TENM3: variants seen among roughly 807,000 people sequenced by gnomAD.
TENM3 encodes teneurin-3.
In TENM3, 63 loss-of-function variants were observed where a neutral mutation model predicts 255.1. The observed-to-expected ratio is 0.25, with a 90% CI of 0.20 to 0.30. The LOEUF is 0.30. TENM3 is among the 10% of genes least tolerant of loss of function. TENM3 has a pLI of 1.00. For missense variants in TENM3, 2,929 were observed against 3,461.1 expected, an observed-to-expected ratio of 0.85 and a Z score of 3.86; for synonymous variants, 1,306 against 1,322.3, an observed-to-expected ratio of 0.99 and a Z score of 0.27.
chr4:181,477,911 C>A, the TENM3 span, among the ~76,000 whole-genome samples: 1 of 152,062 alleles, frequency 6.6e-6, no homozygotes, highest in East Asian at 1.9e-4. Context: ...TTTTAAATGG[C>A]CTTACCCTCC....
At chr4:182,578,117 C>T (rs759898916) in intron 3 of TENM3, among the ~76,000 whole-genome samples, 23 of 152,068 alleles carry the variant, frequency 1.5e-4, no homozygotes, top group Admixed American at 1.0e-3. Flanking sequence ...GCTGGGATTG[C>T]AGGCACCCAC....
At chr4:181,481,417 G>A in the TENM3 span, among the ~76,000 whole-genome samples, 1 of 152,004 alleles carries the variant, frequency 6.6e-6, no homozygotes. Context: ...CATATATGAG[G>A]GTATTTAAGT....
the TENM3 span, among the ~76,000 whole-genome samples, chr4:182,127,540 A>G: frequency 6.6e-6 from 1 of 152,242 alleles, no homozygotes; most frequent in Non-Finnish European, 1.5e-5. Context: ...ACTTGCCTGT[A>G]TATCACTGTT....
At chr4:181,889,215 G>T in the TENM3 span, among the ~76,000 whole-genome samples, 437 of 152,178 alleles carry the variant, frequency 2.9e-3, 2 homozygotes, top group African/African-American at 9.9e-3. Flanking sequence ...CTCATGAGGG[G>T]CTTAGCACCA....
At chr4:181,793,464 G>A in the TENM3 span, among the ~76,000 whole-genome samples, 183 of 152,316 alleles carry the variant, frequency 1.2e-3, 3 homozygotes, top group African/African-American at 4.3e-3. Context: ...AGCATCAGGA[G>A]TCTCAGTCTC....
At chr4:182,388,161 C>T (rs546868235) in intron 3 of TENM3, among the ~76,000 whole-genome samples, 3 of 152,234 alleles carry the variant, frequency 2.0e-5, no homozygotes, top group African/African-American at 7.2e-5. Context: ...TGCCTCTTCC[C>T]CTTCATTCCC....
At chr4:182,605,410 T>C (rs1452553518) in intron 4 of TENM3, among the ~76,000 whole-genome samples, 1 of 151,092 alleles carries the variant, frequency 6.6e-6, no homozygotes, top group Non-Finnish European at 1.5e-5. Flanking sequence ...AACCTAAGGT[T>C]ACTTAACAAA....
chr4:182,361,203 G>C (rs1287341765), intron 3 of TENM3, among the ~76,000 whole-genome samples: 1 of 152,008 alleles, frequency 6.6e-6, no homozygotes, highest in Non-Finnish European at 1.5e-5. Context: ...ATGTGTCTTG[G>C]AGTTGCTCTT....
the TENM3 span, among the ~76,000 whole-genome samples, chr4:181,727,754 G>T: frequency 2.0e-5 from 3 of 152,220 alleles, no homozygotes; most frequent in Non-Finnish European, 2.9e-5. Flanking sequence ...TCTCTTTCTG[G>T]TTCCCAAGCT....
rs138654428 is a variant in TENM3 at position 182,387,891 on chromosome 4, C to A, written c.511+40962C>A. On this transcript the variant is annotated intron_variant, in intron 3 of 27. Coordinates refer to ENST00000511685, the MANE Select transcript of TENM3 (RefSeq NM_001080477.4). ...GAAGTCAGTGAGACCAAGAACCCAC[C>A]AATTCCGGACACAATAGGACTCTGG... Among the ~76,000 whole-genome samples, 521 of 149,262 alleles carry A rather than the reference C, an allele frequency of 3.5e-3. 2 individuals carry two copies. Among genetic ancestry groups the A allele is most frequent in the African/African-American group, 0.013 (507 of 40,478 alleles).
chr4:181,854,677 A>G, the TENM3 span, among the ~76,000 whole-genome samples: 4 of 152,208 alleles, frequency 2.6e-5, no homozygotes, highest in Admixed American at 6.5e-5. Context: ...TTTCCAACAC[A>G]TTTAACATTT....
chr4:182,043,745 T>C, the TENM3 span, among the ~76,000 whole-genome samples: 1 of 152,332 alleles, frequency 6.6e-6, no homozygotes, highest in East Asian at 1.9e-4. Context: ...TGTAATCAAC[T>C]GTGTGTTTTC....
chr4:182,410,082 C>A (rs1470371238), intron 3 of TENM3, among the ~76,000 whole-genome samples: 1 of 152,232 alleles, frequency 6.6e-6, no homozygotes, highest in Admixed American at 6.5e-5. Flanking sequence ...CTGCCTTGGG[C>A]TCCCAAAGTG....
At chr4:181,480,306 A>T in the TENM3 span, among the ~76,000 whole-genome samples, 7 of 152,204 alleles carry the variant, frequency 4.6e-5, no homozygotes, top group Admixed American at 2.6e-4. Flanking sequence ...GAATGAGAGC[A>T]TAAAGCTTAT....
the TENM3 span, among the ~76,000 whole-genome samples, chr4:182,001,271 A>C: frequency 2.0e-5 from 3 of 152,086 alleles, no homozygotes; most frequent in Non-Finnish European, 2.9e-5. Context: ...AATTGGCTGC[A>C]CATCGAAGAA....
chr4:182,213,866 A>G (rs1269453341), intron 1 of TENM3, among the ~76,000 whole-genome samples: 3 of 152,012 alleles, frequency 2.0e-5, no homozygotes, highest in African/African-American at 7.3e-5. Context: ...CAGTGGCGCG[A>G]TCTCGGCTCA....
chr4:182,002,573 A>C, the TENM3 span, among the ~76,000 whole-genome samples: 1 of 152,074 alleles, frequency 6.6e-6, no homozygotes, highest in South Asian at 2.1e-4. Context: ...GCTTCCGTCC[A>C]ATAAGACCAG....
the TENM3 span, among the ~76,000 whole-genome samples, chr4:181,970,352 T>C: frequency 6.6e-6 from 1 of 152,190 alleles, no homozygotes. Flanking sequence ...TACAGAGCAG[T>C]AAAATTAAGC....
At chr4:182,181,694 A>G (rs1304948163) in intron 1 of TENM3, among the ~76,000 whole-genome samples, 1 of 152,204 alleles carries the variant, frequency 6.6e-6, no homozygotes, top group African/African-American at 2.4e-5. Flanking sequence ...CATAATGTGC[A>G]GAACACCTTT....
Sources: gnomAD v4.1 joint callset for allele counts (sites outside exome capture counted in the v4.1 genomes callset) on GRCh38, gnomAD v4.1.1 for gene constraint, MANE v1.5 for transcripts, NCBI Gene and HGNC (gene_info 2026-07-23, HGNC 2026-07-21) for gene names.